ZNF578: variants seen among roughly 807,000 people sequenced by gnomAD.
ZNF578 encodes the protein zinc finger protein 578.
A neutral mutation model predicts 8.3 loss-of-function variants in ZNF578; 8 were observed. That is an observed-to-expected ratio of 0.96 (90% CI 0.56 to 1.74). The LOEUF is 1.74. Ranked by LOEUF, ZNF578 falls within the 40% of genes most tolerant of loss-of-function variation. The pLI is 0.00. For missense variants in ZNF578, 726 were observed against 707.5 expected, an observed-to-expected ratio of 1.03 and a Z score of -0.30; for synonymous variants, 206 against 232.2, an observed-to-expected ratio of 0.89 and a Z score of 1.03.
chr19:52,475,988 A>C (rs1364958060), intron 2 of ZNF578, among the ~76,000 whole-genome samples: 4 of 152,186 alleles, frequency 2.6e-5, no homozygotes, highest in Non-Finnish European at 5.9e-5. Flanking sequence ...ATAGTGTAGG[A>C]CTGTTAAGTA....
chr19:52,481,205 A>T lies in ZNF578; in HGVS notation c.-121-10119A>T, dbSNP rs192302733. 1.6e-3 allele frequency among the ~76,000 whole-genome samples: 247 copies of T among 151,516 alleles called. 3 individuals are homozygous for T. The highest frequency in any genetic ancestry group is 6.9e-3 in the South Asian group (33 of 4,802). ...ACTGACCTTATATCGGCTGCGGCAG[A>T]CTCCTCCTGGTGTCCCCATTCATCT... On this transcript the variant is annotated intron_variant, in intron 2 of 5. Transcript: ENST00000421239.
chr19:52,469,672 T>C (rs928763265), intron 2 of ZNF578, among the ~76,000 whole-genome samples: 2 of 152,192 alleles, frequency 1.3e-5, no homozygotes, highest in Non-Finnish European at 2.9e-5. Context: ...GCAAGGAGTT[T>C]AGTGACTTTA....
chr19:52,460,094 G>A (rs561241170), intron 2 of ZNF578, among the ~76,000 whole-genome samples: 48 of 151,348 alleles, frequency 3.2e-4, no homozygotes, highest in South Asian at 1.3e-3. Flanking sequence ...GTACGTGTGT[G>A]TGTATATACA....
chr19:52,479,914 C>T (rs200786051), intron 2 of ZNF578, among the ~76,000 whole-genome samples: 15,193 of 151,940 alleles, frequency 0.1, 1,288 homozygotes, highest in East Asian at 0.33. Flanking sequence ...TATCTGTATT[C>T]ATTTATTTAT....
chr19:52,468,790 G>C (rs1433729813), intron 2 of ZNF578, among the ~76,000 whole-genome samples: 1 of 152,100 alleles, frequency 6.6e-6, no homozygotes, highest in African/African-American at 2.4e-5. Flanking sequence ...TGAGTCTTCT[G>C]GTTCTCTTTC....
At chr19:52,486,129 G>A (rs2059344664) in intron 2 of ZNF578, among the ~76,000 whole-genome samples, 1 of 152,224 alleles carries the variant, frequency 6.6e-6, no homozygotes, top group Non-Finnish European at 1.5e-5. Context: ...CTGGAGGTGA[G>A]ACATGCGGGC....
chr19:52,484,362 T>A (rs2059337512), intron 2 of ZNF578, among the ~76,000 whole-genome samples: 1 of 152,198 alleles, frequency 6.6e-6, no homozygotes, highest in Admixed American at 6.5e-5. Context: ...GAGGCCTTCC[T>A]TCCTCTTTCA....
chr19:52,458,498 A>G (rs1232519503), intron 2 of ZNF578: 1 of 63,504 alleles, frequency 1.6e-5, no homozygotes, highest in East Asian at 3.0e-4. Context: ...AAAATCTGGG[A>G]AAAATGACAA....
chr19:52,496,186 T>G (rs1234436017), intron 3 of ZNF578, among the ~76,000 whole-genome samples: 3 of 150,044 alleles, frequency 2.0e-5, no homozygotes, highest in Admixed American at 6.7e-5. Flanking sequence ...ACCTGTCTGA[T>G]TTTTGTATTT....
intron 5 of ZNF578, among the ~76,000 whole-genome samples, chr19:52,507,684 C>G (rs184124122): frequency 6.6e-6 from 1 of 152,214 alleles, no homozygotes; most frequent in Non-Finnish European, 1.5e-5. Context: ...TTAGCCCAGC[C>G]GTCTTCCTGC....
At chr19:52,506,350 C>G (rs1351905145) in intron 5 of ZNF578, among the ~76,000 whole-genome samples, 2 of 152,110 alleles carry the variant, frequency 1.3e-5, no homozygotes, top group African/African-American at 4.8e-5. Flanking sequence ...GTGGCCCATG[C>G]CTGTAATCCC....
At chr19:52,510,208 A>G (rs2059439561) in intron 5 of ZNF578, among the ~76,000 whole-genome samples, 1 of 151,934 alleles carries the variant, frequency 6.6e-6, no homozygotes, top group Non-Finnish European at 1.5e-5. Context: ...CACAGTAAAT[A>G]TGGTTTAAAT....
intron 2 of ZNF578, among the ~76,000 whole-genome samples, chr19:52,481,804 A>G (rs1379775539): frequency 2.0e-5 from 3 of 150,878 alleles, no homozygotes; most frequent in Non-Finnish European, 4.4e-5. Context: ...AACTTCCTCT[A>G]ACTGCAGCCT....
intron 3 of ZNF578, among the ~76,000 whole-genome samples, chr19:52,497,936 CA>C (rs1258447168): frequency 1.3e-5 from 2 of 152,182 alleles, no homozygotes; most frequent in African/African-American, 4.8e-5. Context: ...CTTGGTTTAG[CA>C]GAGCCCATGT....
chr19:52,462,404 TG>T (rs2059261512), intron 2 of ZNF578, among the ~76,000 whole-genome samples: 1 of 152,172 alleles, frequency 6.6e-6, no homozygotes, highest in Non-Finnish European at 1.5e-5. Flanking sequence ...CATGAGTATC[TG>T]TAGGCTCAGG....
At chr19:52,467,129 G>T (rs2059277694) in intron 2 of ZNF578, among the ~76,000 whole-genome samples, 1 of 151,844 alleles carries the variant, frequency 6.6e-6, no homozygotes, top group South Asian at 2.1e-4. Flanking sequence ...TTCTGCCTCA[G>T]CCTCCCAAAT....
chr19:52,455,280 A>G (rs1354329076), intron 1 of ZNF578: 2 of 143,684 alleles, frequency 1.4e-5, no homozygotes, highest in Non-Finnish European at 3.0e-5. Flanking sequence ...GCTCACCGCA[A>G]CCTCTGCCTG....
intron 2 of ZNF578, among the ~76,000 whole-genome samples, chr19:52,463,140 C>G (rs1352195399): frequency 6.6e-6 from 1 of 152,162 alleles, no homozygotes; most frequent in East Asian, 1.9e-4. Context: ...ATCACTTGCC[C>G]TTGAGAATTA....
At position 52,512,384 on chromosome 19, in the gene ZNF578, C is replaced by T. The variant is rs112386224; in HGVS notation, c.*230C>T. 3.6e-4 allele frequency: 543 copies of T among 1,492,074 alleles called. 3 individuals carry two copies. The South Asian group carries it at 4.3e-3, about 12-fold the overall frequency. The allele number at this position is 1,492,074 out of a possible 1,614,324, so 92.4% of individuals were successfully genotyped here. A position where few individuals can be genotyped will look rare whatever the true frequency, so the allele number is the denominator to read the frequency against. On this transcript the variant is annotated 3_prime_UTR_variant, in exon 6 of 6. Coordinates refer to ENST00000421239, the MANE Select transcript of ZNF578 (RefSeq NM_001099694.2). ...CACAAAGTCTTCAGTAACGCTACAA[C>T]GATTGCAAATCATTGGAGAATCCAT... is the stretch of plus-strand genomic sequence containing the variant.
Sources: allele counts gnomAD v4.1 joint callset (sites outside exome capture counted in the v4.1 genomes callset), GRCh38; gene constraint gnomAD v4.1.1; transcripts MANE v1.5; gene names NCBI Gene and HGNC (gene_info 2026-07-23, HGNC 2026-07-21).